Variants in TMEM184A observed in about 807,000 individuals in gnomAD.
TMEM184A encodes sexually dimorphic, expressed in male gonads 1.
A neutral mutation model predicts 39.5 loss-of-function variants in TMEM184A; 40 were observed. The ratio of observed to expected loss-of-function variants is 1.01; its 90% CI spans 0.79 to 1.32. The LOEUF is 1.32. Ranked by LOEUF, TMEM184A falls within the 40% of genes most tolerant of loss-of-function variation. TMEM184A has a pLI of 0.00. For missense variants in TMEM184A, 603 were observed against 568.8 expected (o/e 1.06, Z -0.61); for synonymous variants, 280 against 252.3 (o/e 1.11, Z -1.04).
chr7:1,555,150 C>T lies in TMEM184A; in HGVS notation c.219+116G>A, dbSNP rs528925392. The T allele has an allele frequency of 1.6e-3, 1,374 of 866,804 alleles. 1 individual carries two copies. Among genetic ancestry groups the T allele is most frequent in the Non-Finnish European group, 2.1e-3 (1,226 of 586,646 alleles). 53.7% of individuals were successfully genotyped at this position (866,804 alleles called of 1,614,324 possible). On this transcript the variant is annotated intron_variant, in intron 2 of 8. Coordinates refer to ENST00000297477, the MANE Select transcript of TMEM184A (RefSeq NM_001097620.2). This position sits in a 1 kb window ranked among gnomAD's most constrained non-coding sequence, Gnocchi z 5.2. ...CTCATCCCCTCCCCCGTGCCCTGGC[C>T]GATCCCACTTCTGACAGCGTCTATA...
At chr7:1,547,718 C>A in intron 8 of TMEM184A, 24 bp downstream of exon 8, 1 of 1,601,626 alleles carries the variant, frequency 6.2e-7, no homozygotes, top group East Asian at 2.2e-5. Context: ...GCTCCGGGTG[C>A]CCCAGCTGGA....
At position 1,543,915 on chromosome 7, in the gene TMEM184A, G is replaced by A. The variant is rs1279075841; in HGVS notation, c.*3037C>T. The A allele has an allele frequency of 2.0e-5, 3 of 152,216 alleles. No homozygotes were observed. Among genetic ancestry groups the A allele is most frequent in the Non-Finnish European group, 4.4e-5 (3 of 68,102 alleles). 9.4% of individuals were successfully genotyped at this position (152,216 alleles called of 1,614,324 possible). ...CCCCAAGTGCTGGAATTACAGGTGT[G>A]AGCCACTGCACCCGATCATAATCCC... On this transcript the variant is annotated 3_prime_UTR_variant, in exon 9 of 9. Transcript: ENST00000297477.
At chr7:1,552,858 C>T (rs374661641) in intron 2 of TMEM184A, among the ~76,000 whole-genome samples, 6 of 152,124 alleles carry the variant, frequency 3.9e-5, no homozygotes, top group South Asian at 4.2e-4. Context: ...AGTTCGAGAC[C>T]GGCCTGGTCA....
In TMEM184A at chr7:1,547,874, TG is replaced by T; in HGVS notation, c.879del (p.Asn293LysfsTer62). Reference protein sequence around the residue: ...VIPEVETSGGNKLGAGTLAAG... With the variant: ...VIPEVETSGGXKLGAGTLAAG... The stretch of plus-strand genomic sequence containing the variant: ...GCGGCCAGCGTGCCAGCCCCCAGCT[TG>T]TTCCCGCCGCTGGTCTCCACCTCCG... On this transcript the variant is annotated frameshift_variant, in exon 8 of 9. Coordinates refer to ENST00000297477, the MANE Select transcript of TMEM184A (RefSeq NM_001097620.2). LOFTEE classifies it high-confidence loss of function. 1 of 1,601,292 alleles carries T rather than the reference TG, an allele frequency of 6.2e-7. No homozygotes were observed. Among genetic ancestry groups the T allele is most frequent in the Non-Finnish European group, 8.5e-7 (1 of 1,174,552 alleles).
At chr7:1,553,587 G>A (rs941819956) in intron 2 of TMEM184A, among the ~76,000 whole-genome samples, 1 of 151,970 alleles carries the variant, frequency 6.6e-6, no homozygotes, top group Admixed American at 6.6e-5. Context: ...GGCGGTGGGC[G>A]AGCAGAGGCT....
chr7:1,547,695 G>C (rs774739956), intron 8 of TMEM184A, 47 bp downstream of exon 8: 1 of 1,558,376 alleles, frequency 6.4e-7, no homozygotes. Flanking sequence ...CGGTGCCCGG[G>C]GCAGGGCTGT....
chr7:1,550,944 C>T lies in TMEM184A; in HGVS notation c.258G>A (p.Glu86=), dbSNP rs781291240. The T allele has an allele frequency of 2.0e-5, 32 of 1,613,488 alleles. No homozygotes were observed. The highest frequency in any genetic ancestry group is 2.6e-5 in the Non-Finnish European group (31 of 1,179,928). ...LHLRSYTVPQ[E]QRYIIRLLLI... ...GGAGCAGGCGGATGATGTAACGTTG[C>T]TCCTGTGGCACGGTGTAGGAGCGCA... is the stretch of plus-strand genomic sequence containing the variant. Residue 86 remains glutamate, a synonymous_variant, in exon 3 of 9, where the codon GAG becomes GAA. Coordinates refer to ENST00000297477, the MANE Select transcript of TMEM184A (RefSeq NM_001097620.2).
intron 7 of TMEM184A, among the ~76,000 whole-genome samples, chr7:1,548,295 GACCTCTCTCC>G (rs1784428676): frequency 6.6e-6 from 1 of 152,172 alleles, no homozygotes; most frequent in Non-Finnish European, 1.5e-5. Flanking sequence ...GCCTCTGTGC[GACCTCTCTCC>G]ACCTGCTGGC....
In TMEM184A at chr7:1,555,251, G is replaced by A. The variant is rs770687185; in HGVS notation, c.219+15C>T. ...ACCAAGGTCCTGAAGGAGGCTCGGG[G>A]GCGGAAGGGCTTACCTGGTGGCAGG... On this transcript the variant is annotated intron_variant, in intron 2 of 8. Coordinates refer to ENST00000297477, the MANE Select transcript of TMEM184A (RefSeq NM_001097620.2). The surrounding 1 kb of genome is among the most constrained non-coding windows in gnomAD (Gnocchi z 5.2). The A allele has an allele frequency of 1.4e-5, 23 of 1,590,066 alleles. No individual in the cohort carries two copies. The highest frequency in any genetic ancestry group is 1.8e-5 in the Non-Finnish European group (21 of 1,169,082).
At position 1,547,026 on chromosome 7, in the gene TMEM184A, T is replaced by C. The variant is rs3779607; in HGVS notation, c.1168A>G (p.Ser390Gly). The C allele has an allele frequency of 0.59, 939,065 of 1,602,554 alleles. 276,542 individuals are homozygous for C. Among genetic ancestry groups the C allele is most frequent in the East Asian group, 0.69 (30,688 of 44,704 alleles). ...TTCCTGCTCCCGCCGGAGCCGCCGC[T>C]GGGGTGGGTGCCGGGCCTGGGCGCC... ...HEAPRPGTHP[S>G]GGSGGSRKSR... The change falls in exon 9 of 9, where the codon AGC (serine) becomes GGC (glycine). Residue 390 changes from serine (S) to glycine (G), a missense_variant. By Grantham distance (56) the Ser-to-Gly change is moderately conservative. Coordinates refer to ENST00000297477, the MANE Select transcript of TMEM184A (RefSeq NM_001097620.2).
chr7:1,547,505 T>C (rs1255224698), intron 8 of TMEM184A, among the ~76,000 whole-genome samples: 1 of 152,136 alleles, frequency 6.6e-6, no homozygotes, highest in Non-Finnish European at 1.5e-5. Flanking sequence ...CCACAGGCTG[T>C]CTCCGCCCTA....
At chr7:1,550,062 G>T in intron 5 of TMEM184A, 61 bp downstream of exon 5, 1 of 1,583,762 alleles carries the variant, frequency 6.3e-7, no homozygotes, top group African/African-American at 1.3e-5. Flanking sequence ...GCGCTGGGCC[G>T]GCTAGGGCCC....
intron 3 of TMEM184A, 110 bp from the exon 4 acceptor site, chr7:1,550,505 G>T: frequency 1.1e-6 from 1 of 917,264 alleles, no homozygotes; most frequent in Non-Finnish European, 1.6e-6. Context: ...GAGCCCAGCA[G>T]GCCACACAGC....
At position 1,555,167 on chromosome 7, in the gene TMEM184A, G is replaced by A. The variant is rs1778503982; in HGVS notation, c.219+99C>T. The A allele has an allele frequency of 2.0e-6, 2 of 1,007,786 alleles. No homozygotes were observed. Among genetic ancestry groups the A allele is most frequent in the Non-Finnish European group, 2.8e-6 (2 of 709,684 alleles). 62.4% of individuals were successfully genotyped at this position (1,007,786 alleles called of 1,614,324 possible). On this transcript the variant is annotated intron_variant, in intron 2 of 8. Coordinates refer to ENST00000297477, the MANE Select transcript of TMEM184A (RefSeq NM_001097620.2). This position sits in a 1 kb window ranked among gnomAD's most constrained non-coding sequence, Gnocchi z 5.2. ...GCCCTGGCCGATCCCACTTCTGACA[G>A]CGTCTATAGCAGCGGCACCCAGGGG...
At chr7:1,548,998 G>T (rs758194873) in intron 6 of TMEM184A, 2 of 563,312 alleles carry the variant, frequency 3.6e-6, no homozygotes, top group East Asian at 4.1e-5. Context: ...CTGTCGGAAC[G>T]CCACCTCCCA....
At chr7:1,550,580 G>T (rs1784550474) in intron 3 of TMEM184A, among the ~76,000 whole-genome samples, 185 bp from the exon 4 acceptor site, 1 of 152,148 alleles carries the variant, frequency 6.6e-6, no homozygotes, top group Non-Finnish European at 1.5e-5. Context: ...GCTCCATCAG[G>T]GCCCTGCTTT....
rs540804128 is a variant in TMEM184A, at chr7:1,554,302, C to T, written c.219+964G>A. ...TGTGGCCACCGGTGTCCCTGCCTGC[C>T]AGTCTCCTGATGGCCCCCTGCCCCA... On this transcript the variant is annotated intron_variant, in intron 2 of 8. Coordinates refer to ENST00000297477, the MANE Select transcript of TMEM184A (RefSeq NM_001097620.2). Among the ~76,000 whole-genome samples, 33 of 152,266 alleles carry T rather than the reference C, an allele frequency of 2.2e-4. No individual in the cohort carries two copies. In the South Asian group the frequency reaches 4.4e-3, roughly 20 times the overall value.
chr7:1,550,031 C>T (rs1029062160), intron 5 of TMEM184A, 86 bp from the exon 6 acceptor site: 3 of 1,593,150 alleles, frequency 1.9e-6, no homozygotes, highest in Non-Finnish European at 2.6e-6. Context: ...AATGAGCAGC[C>T]CCCTGACACT....
rs1784226724 is a variant in TMEM184A, at chr7:1,542,763, C to G, written c.*4189G>C. ...TCCGGCTTCCCAAAGAGATCCAGGTCTTTGCGTTTCCAGGGCGTGGGGACC... is the reference window on the plus strand; with the variant it reads ...TCCGGCTTCCCAAAGAGATCCAGGTGTTTGCGTTTCCAGGGCGTGGGGACC... On this transcript the variant is annotated 3_prime_UTR_variant, in exon 9 of 9. Transcript: ENST00000297477. 1 of 152,628 alleles carries G rather than the reference C, an allele frequency of 6.6e-6. No individual in the cohort carries two copies. The highest frequency in any genetic ancestry group is 1.5e-5 in the Non-Finnish European group (1 of 68,050). The allele number at this position is 152,628 out of a possible 1,614,324, so 9.5% of individuals were successfully genotyped here.
Sources: gnomAD v4.1 joint callset for allele counts (sites outside exome capture counted in the v4.1 genomes callset) on GRCh38, gnomAD v4.1.1 for gene constraint, Gnocchi (gnomAD v3.1) non-coding constraint, MANE v1.5 for transcripts, NCBI Gene and HGNC (gene_info 2026-07-23, HGNC 2026-07-21) for gene names.